The following EYS variants were observed in gnomAD, a reference collection of about 807,000 sequenced individuals.
EYS encodes the protein EGF-like photoreceptor maintenance factor.
In EYS, 250 loss-of-function variants were observed where a neutral mutation model predicts 282.1. The ratio of observed to expected loss-of-function variants is 0.89; its 90% CI spans 0.80 to 0.98. The LOEUF is 0.98. EYS is among the 50% of genes least tolerant of loss of function. The pLI is 0.00. For synonymous variants in EYS, 1,355 were observed against 1,282.9 expected, an observed-to-expected ratio of 1.06 and a Z score of -1.20; for missense variants, 4,016 against 3,709.0, an observed-to-expected ratio of 1.08 and a Z score of -2.15.
At chr6:64,439,725 G>A (rs919471334) in intron 26 of EYS, among the ~76,000 whole-genome samples, 2 of 151,732 alleles carry the variant, frequency 1.3e-5, no homozygotes, top group East Asian at 1.9e-4. Context: ...ATTTAATTTG[G>A]GAGGTTTGTG....
chr6:65,557,824 A>G (rs991792782), intron 2 of EYS, among the ~76,000 whole-genome samples: 1 of 152,138 alleles, frequency 6.6e-6, no homozygotes, highest in Admixed American at 6.5e-5. Flanking sequence ...AGGAGACCCA[A>G]AATGGGTCCT....
In EYS at chr6:65,265,202, AC is replaced by A. The variant is rs559213526; in HGVS notation, c.2023+30660del. On this transcript the variant is annotated intron_variant, in intron 12 of 42. Transcript: ENST00000503581. ...CCCAAACTTCAGTATCATGCCCTAT[AC>A]CCTAGGTAACAAACCTACACACGTA... Among the ~76,000 whole-genome samples the A allele has an allele frequency of 1.2e-4, 18 of 152,084 alleles. No individual in the cohort carries two copies. In the East Asian group the frequency reaches 3.5e-3, roughly 29 times the overall value.
chr6:65,104,885 C>A (rs1774990751), intron 12 of EYS, among the ~76,000 whole-genome samples: 1 of 151,450 alleles, frequency 6.6e-6, no homozygotes, highest in Non-Finnish European at 1.5e-5. Context: ...TCTGAAAACA[C>A]AAATATTTAG....
At chr6:65,396,730 A>G (rs536393132) in intron 7 of EYS, among the ~76,000 whole-genome samples, 2 of 152,166 alleles carry the variant, frequency 1.3e-5, no homozygotes, top group East Asian at 1.9e-4. Flanking sequence ...TATTTTCCTC[A>G]TACTCACTTG....
intron 29 of EYS, among the ~76,000 whole-genome samples, chr6:64,345,154 C>T (rs1370420946): frequency 3.9e-5 from 6 of 152,110 alleles, no homozygotes; most frequent in Non-Finnish European, 7.4e-5. Flanking sequence ...AATGCCATCC[C>T]CATCAAGCTA....
At chr6:63,770,510 T>C (rs1769903995) in intron 40 of EYS, among the ~76,000 whole-genome samples, 2 of 152,246 alleles carry the variant, frequency 1.3e-5, no homozygotes, top group Middle Eastern at 6.8e-3. Flanking sequence ...AATAAACGCA[T>C]GTAATTTAGC....
chr6:64,006,879 G>C (rs1407333446), intron 33 of EYS, among the ~76,000 whole-genome samples: 1 of 152,126 alleles, frequency 6.6e-6, no homozygotes, highest in African/African-American at 2.4e-5. Context: ...GTGATGTGCT[G>C]CTGGATTTGG....
chr6:64,307,105 GA>G, intron 29 of EYS, 23 bp from the exon 30 acceptor site: 10 of 864,566 alleles, frequency 1.2e-5, no homozygotes, highest in South Asian at 1.7e-5. Context: ...GAGAGAGAGA[GA>G]AGTAGAGATA....
chr6:64,952,485 T>C (rs758276725), intron 14 of EYS, among the ~76,000 whole-genome samples: 5 of 152,040 alleles, frequency 3.3e-5, no homozygotes, highest in Non-Finnish European at 7.4e-5. Flanking sequence ...AAATTTTAAC[T>C]AAAATGTTCT....
intron 12 of EYS, among the ~76,000 whole-genome samples, chr6:65,232,512 T>C (rs1231858010): frequency 6.6e-6 from 1 of 152,092 alleles, no homozygotes; most frequent in Non-Finnish European, 1.5e-5. Context: ...CTCAGTCTCA[T>C]GCTTAAACGT....
Position 65,189,048 on chromosome 6 carries a change from T to G in EYS, c.2023+106815A>C, listed in dbSNP as rs141290640. 4.0e-3 allele frequency among the ~76,000 whole-genome samples: 606 copies of G among 151,726 alleles called. 3 individuals are homozygous for G. Among genetic ancestry groups the G allele is most frequent in the African/African-American group, 0.014 (582 of 41,468 alleles). On this transcript the variant is annotated intron_variant, in intron 12 of 42. Transcript: ENST00000503581. The stretch of plus-strand genomic sequence containing the variant: ...CTTCTATGAATACCTCTATCTTAAT[T>G]ATATAGTTACAGTTTTAATTTTTTT...
chr6:65,295,878 C>T lies in EYS; in HGVS notation c.2008G>A (p.Val670Ile). 6.5e-7 allele frequency: 1 copy of T among 1,545,204 alleles called. No homozygotes were observed. The highest frequency in any genetic ancestry group is 1.4e-5 in the African/African-American group (1 of 72,882). The stretch of plus-strand genomic sequence containing the variant: ...AAAAACTTGCCTTTAAATCCTGGGA[C>T]ACACTTGCGGAAGAAATATCCCCTT... ...HLRGYFFRKC[V>I]PGFKGTQCEI... Residue 670 changes from valine to isoleucine, a missense_variant, in exon 12 of 43, where the codon GTC becomes ATC. Coordinates refer to ENST00000503581, the MANE Select transcript of EYS (RefSeq NM_001142800.2).
chr6:65,203,014 C>G (rs1765942172), intron 12 of EYS, among the ~76,000 whole-genome samples: 1 of 152,148 alleles, frequency 6.6e-6, no homozygotes, highest in South Asian at 2.1e-4. Flanking sequence ...ACAGCTTTGC[C>G]CTCTCAAGCC....
chr6:65,177,626 A>G (rs1765259003), intron 12 of EYS, among the ~76,000 whole-genome samples: 1 of 151,880 alleles, frequency 6.6e-6, no homozygotes, highest in Non-Finnish European at 1.5e-5. Context: ...CCTCACATAT[A>G]CATACATAAT....
chr6:65,000,575 C>T (rs993562274), intron 13 of EYS, among the ~76,000 whole-genome samples: 9 of 152,080 alleles, frequency 5.9e-5, no homozygotes, highest in Admixed American at 5.2e-4. Flanking sequence ...AGTTCAAGAC[C>T]AGCCTGATCA....
intron 19 of EYS, among the ~76,000 whole-genome samples, chr6:64,824,682 T>C (rs188700967): frequency 6.5e-4 from 99 of 151,842 alleles, no homozygotes; most frequent in African/African-American, 2.4e-3. Flanking sequence ...GGACAGAAAG[T>C]GTTAAAAGAG....
chr6:64,688,998 G>A (rs964253358), intron 22 of EYS, among the ~76,000 whole-genome samples: 1 of 151,938 alleles, frequency 6.6e-6, no homozygotes, highest in African/African-American at 2.4e-5. Context: ...AGGAAATAAA[G>A]GGCATTCAAT....
intron 31 of EYS, among the ~76,000 whole-genome samples, chr6:64,155,582 A>G (rs146454806): frequency 7.4e-4 from 113 of 152,146 alleles, no homozygotes; most frequent in African/African-American, 2.5e-3. Context: ...GTAATTAGAG[A>G]TTTCTTTTAT....
intron 30 of EYS, among the ~76,000 whole-genome samples, chr6:64,303,051 G>T (rs1054103309): frequency 8.5e-5 from 13 of 152,088 alleles, no homozygotes; most frequent in African/African-American, 2.7e-4. Flanking sequence ...TCAAGAGGCT[G>T]AACAAATCCT....
Sources: gnomAD v4.1 joint callset for allele counts (sites outside exome capture counted in the v4.1 genomes callset) on GRCh38, gnomAD v4.1.1 for gene constraint, MANE v1.5 for transcripts, NCBI Gene and HGNC (gene_info 2026-07-23, HGNC 2026-07-21) for gene names.